The following PKIB variants were observed in gnomAD, a reference collection of about 807,000 sequenced individuals.
PKIB encodes the protein cAMP-dependent protein kinase inhibitor beta.
Under a neutral mutation model 4.5 loss-of-function variants are expected in PKIB, and 2 were observed. The observed-to-expected ratio is 0.44, with a 90% CI of 0.18 to 1.39. The LOEUF is 1.39. Among genes scored for constraint, PKIB ranks in the 40% most tolerant of loss-of-function variants. The pLI, the probability that PKIB is intolerant of heterozygous loss-of-function variation, is 0.27. For synonymous variants in PKIB, 38 were observed against 36.0 expected (o/e 1.06, Z -0.20); for missense variants, 94 against 92.6 (o/e 1.02, Z -0.06).
chr6:122,637,648 TG>T (rs1775977982), intron 2 of PKIB, among the ~76,000 whole-genome samples: 1 of 151,126 alleles, frequency 6.6e-6, no homozygotes, highest in Non-Finnish European at 1.5e-5. Flanking sequence ...CCCACATACT[TG>T]GGAGGCTGAG....
upstream of PKIB, among the ~76,000 whole-genome samples, chr6:122,607,623 T>C (rs553819324): frequency 1.4e-4 from 21 of 152,332 alleles, 1 homozygote; most frequent in African/African-American, 4.8e-4. Context: ...AGAATCCTCA[T>C]TTAATATTGA....
intron 1 of PKIB, among the ~76,000 whole-genome samples, chr6:122,617,801 C>T (rs1192486002): frequency 6.6e-6 from 1 of 151,982 alleles, no homozygotes; most frequent in African/African-American, 2.4e-5. Flanking sequence ...AAAAGATTTA[C>T]TTTATTAAGT....
At chr6:122,654,768 T>C (rs1179053230) in intron 2 of PKIB, among the ~76,000 whole-genome samples, 2 of 152,152 alleles carry the variant, frequency 1.3e-5, no homozygotes, top group Admixed American at 1.3e-4. Context: ...TAGATTTCTA[T>C]TTTTTTAACT....
intron 3 of PKIB, among the ~76,000 whole-genome samples, chr6:122,586,444 A>T (rs369211366): frequency 2.0e-5 from 3 of 152,012 alleles, no homozygotes; most frequent in Non-Finnish European, 4.4e-5. Context: ...ATTTTGATTC[A>T]TGTTTTTGTC....
At chr6:122,692,375 T>C (rs531622317) in intron 3 of PKIB, among the ~76,000 whole-genome samples, 10 of 152,316 alleles carry the variant, frequency 6.6e-5, no homozygotes, top group African/African-American at 2.4e-4. Flanking sequence ...TGCTCTATTC[T>C]ACTACAGCTA....
intron 2 of PKIB, among the ~76,000 whole-genome samples, chr6:122,550,900 T>G (rs1026834738): frequency 6.6e-6 from 1 of 152,222 alleles, no homozygotes; most frequent in East Asian, 1.9e-4. Flanking sequence ...TTTTACCGTA[T>G]CACTGCTAGT....
At chr6:122,638,168 C>T (rs1775996856) in intron 2 of PKIB, among the ~76,000 whole-genome samples, 1 of 152,136 alleles carries the variant, frequency 6.6e-6, no homozygotes, top group Non-Finnish European at 1.5e-5. Flanking sequence ...TTCCAGAGTA[C>T]TGCTGCTCCT....
upstream of PKIB, among the ~76,000 whole-genome samples, chr6:122,608,019 T>C (rs767610575): frequency 2.0e-5 from 3 of 152,202 alleles, no homozygotes; most frequent in Non-Finnish European, 4.4e-5. Context: ...TCCATATAGT[T>C]TCTTCAATAC....
At chr6:122,566,787 A>G (rs1248554919) in intron 2 of PKIB, among the ~76,000 whole-genome samples, 1 of 152,174 alleles carries the variant, frequency 6.6e-6, no homozygotes, top group Admixed American at 6.5e-5. Flanking sequence ...AACCATTCTT[A>G]TGTGGTTGGA....
At chr6:122,550,207 A>T (rs1772633195) in intron 2 of PKIB, among the ~76,000 whole-genome samples, 1 of 152,066 alleles carries the variant, frequency 6.6e-6, no homozygotes, top group Admixed American at 6.6e-5. Flanking sequence ...GAGCCACTGC[A>T]CCTGGACTCT....
chr6:122,707,333 A>G (rs1242282814), intron 3 of PKIB, among the ~76,000 whole-genome samples: 1 of 152,080 alleles, frequency 6.6e-6, no homozygotes, highest in Non-Finnish European at 1.5e-5. Flanking sequence ...AACTTAGAAA[A>G]CAAATCAGAG....
chr6:122,666,946 T>G (rs544049470), intron 2 of PKIB, among the ~76,000 whole-genome samples: 1 of 141,268 alleles, frequency 7.1e-6, no homozygotes, highest in South Asian at 2.2e-4. Context: ...CCAATGGTAC[T>G]AATATTTTTT....
At chr6:122,714,535 T>G (rs149124965) in intron 3 of PKIB, among the ~76,000 whole-genome samples, 2 of 152,154 alleles carry the variant, frequency 1.3e-5, no homozygotes, top group Admixed American at 1.3e-4. Context: ...AAGGAAAAAC[T>G]TCCAAAATAG....
intron 4 of PKIB, among the ~76,000 whole-genome samples, chr6:122,723,427 A>G (rs1779818422): frequency 6.6e-6 from 1 of 152,188 alleles, no homozygotes; most frequent in African/African-American, 2.4e-5. Context: ...CTTCCAGTTA[A>G]CAAAATTATT....
chr6:122,706,511 T>C (rs533633242), intron 3 of PKIB, among the ~76,000 whole-genome samples: 1 of 152,268 alleles, frequency 6.6e-6, no homozygotes, highest in Non-Finnish European at 1.5e-5. Flanking sequence ...GAGGACTGAG[T>C]CTGTGCTCAA....
intron 2 of PKIB, among the ~76,000 whole-genome samples, chr6:122,549,534 C>T (rs1772606733): frequency 6.6e-6 from 1 of 152,096 alleles, no homozygotes; most frequent in African/African-American, 2.4e-5. Context: ...ATGCCCAGTG[C>T]ATAGCTTGAA....
chr6:122,610,171 G>T (rs1323135831), upstream of PKIB: 1 of 152,250 alleles, frequency 6.6e-6, no homozygotes, highest in Admixed American at 6.5e-5. Context: ...GACGATCACC[G>T]ATAATTAGTT....
At chr6:122,591,886 GTTT>G (rs34795750) in intron 3 of PKIB, among the ~76,000 whole-genome samples, 7 of 142,712 alleles carry the variant, frequency 4.9e-5, no homozygotes, top group East Asian at 2.0e-4. Flanking sequence ...TGCCTGGCTA[GTTT>G]TTTTTTTTTT....
At chr6:122,648,920 A>C (rs1253916819) in intron 2 of PKIB, among the ~76,000 whole-genome samples, 1 of 152,148 alleles carries the variant, frequency 6.6e-6, no homozygotes, top group African/African-American at 2.4e-5. Context: ...GTGGAAGTCC[A>C]TGTTGCTGAG....
Sources: allele counts gnomAD v4.1 joint callset (sites outside exome capture counted in the v4.1 genomes callset), GRCh38; gene constraint gnomAD v4.1.1; transcripts MANE v1.5; gene names NCBI Gene and HGNC (gene_info 2026-07-23, HGNC 2026-07-21).